Variants in TSKS observed in about 807,000 individuals in gnomAD.
TSKS encodes the protein testis specific serine kinase substrate.
Under a neutral mutation model 68.0 loss-of-function variants are expected in TSKS, and 27 were observed. The ratio of observed to expected loss-of-function variants is 0.40; its 90% confidence interval spans 0.29 to 0.55. The LOEUF is 0.55. Ranked by LOEUF, TSKS falls within the 20% of genes least tolerant of loss-of-function variation. TSKS has a pLI of 0.53. For missense variants in TSKS, 806 were observed against 776.0 expected (o/e 1.04, Z -0.46); for synonymous variants, 331 against 340.4 (o/e 0.97, Z 0.30).
At position 49,744,419 on chromosome 19, in the gene TSKS, AC is replaced by A; in HGVS notation, c.1188-16del. On this transcript the variant is annotated splice_polypyrimidine_tract_variant and intron_variant, in intron 7 of 10. Coordinates refer to ENST00000246801, the MANE Select transcript of TSKS (RefSeq NM_021733.2). ...ACCGCTCCACCCTGAGGCATGAGTAACCAGTGCTGCTGGGTCGTCTCTTCAG... is the reference window on the plus strand; with the variant it reads ...ACCGCTCCACCCTGAGGCATGAGTAACAGTGCTGCTGGGTCGTCTCTTCAG... The A allele has an allele frequency of 1.2e-6, 2 of 1,608,796 alleles. No individual in the cohort carries two copies. The highest frequency in any genetic ancestry group is 1.7e-6 in the Non-Finnish European group (2 of 1,175,656).
At chr19:49,753,737 A>G (rs983448777) in intron 2 of TSKS, among the ~76,000 whole-genome samples, 1 of 150,262 alleles carries the variant, frequency 6.7e-6, no homozygotes, top group African/African-American at 2.4e-5. Context: ...TGGGCAACAG[A>G]GCAAGATCAT....
intron 2 of TSKS, among the ~76,000 whole-genome samples, chr19:49,750,765 G>A (rs547108312): frequency 6.6e-6 from 1 of 152,176 alleles, no homozygotes; most frequent in Non-Finnish European, 1.5e-5. Flanking sequence ...TGAGCAACCA[G>A]AACGTAGACA....
intron 2 of TSKS, 141 bp downstream of exon 2, chr19:49,761,863 T>C: frequency 1.5e-6 from 1 of 655,760 alleles, no homozygotes; most frequent in African/African-American, 1.8e-5. Flanking sequence ...AGGAGGCAGT[T>C]CCCAGTTAGT....
chr19:49,742,788 C>T (rs2084263124), intron 8 of TSKS, among the ~76,000 whole-genome samples: 2 of 152,126 alleles, frequency 1.3e-5, no homozygotes, highest in African/African-American at 4.8e-5. Flanking sequence ...TAAGCCACCA[C>T]GCCCAGCCAG....
At chr19:49,754,256 T>C (rs1392015186) in intron 2 of TSKS, among the ~76,000 whole-genome samples, 2 of 149,440 alleles carry the variant, frequency 1.3e-5, no homozygotes, top group African/African-American at 4.9e-5. Context: ...CTCAGCACTT[T>C]GGGAGGCCAA....
intron 3 of TSKS, 70 bp downstream of exon 3, chr19:49,748,304 G>A (rs1233383559): frequency 3.8e-6 from 6 of 1,577,436 alleles, no homozygotes. Flanking sequence ...CATTCTGCTG[G>A]AGGCAGGCTC....
intron 2 of TSKS, among the ~76,000 whole-genome samples, chr19:49,754,682 T>C (rs1045505553): frequency 1.2e-4 from 18 of 152,140 alleles, no homozygotes; most frequent in African/African-American, 4.3e-4. Flanking sequence ...CTACTTTAAA[T>C]ATGTTCGAAG....
chr19:49,749,929 T>C (rs1363389725), intron 2 of TSKS, among the ~76,000 whole-genome samples: 1 of 151,404 alleles, frequency 6.6e-6, no homozygotes, highest in Admixed American at 6.6e-5. Flanking sequence ...CTCTCTCTTT[T>C]ATTTATTTTT....
intron 2 of TSKS, among the ~76,000 whole-genome samples, chr19:49,761,575 G>GC (rs1301980192): frequency 1.3e-5 from 2 of 152,150 alleles, no homozygotes; most frequent in East Asian, 3.9e-4. Context: ...TGTGTCTTTT[G>GC]CCCCCACCAG....
chr19:49,762,069 C>G lies in TSKS; in HGVS notation c.334G>C (p.Ala112Pro), dbSNP rs1372438388. 1.2e-6 allele frequency: 2 copies of G among 1,613,996 alleles called. No individual in the cohort carries two copies. The highest frequency in any genetic ancestry group is 2.7e-5 in the African/African-American group (2 of 74,916). The change falls in exon 2 of 11, where the codon GCT becomes CCT. Residue 112 changes from alanine to proline, a missense_variant. By Grantham distance (27) the Ala-to-Pro change is conservative (BLOSUM62 -1). Coordinates refer to ENST00000246801, the MANE Select transcript of TSKS (RefSeq NM_021733.2). The part of the protein sequence containing the change: ...VEDLSGQLTL[A>P]GPPASPTLPW... ...AGGGTAGGGGAGGCAGGGGGCCCAG[C>G]CAGTGTGAGTTGGCCGCTGAGGTCT... is the stretch of plus-strand genomic sequence containing the variant.
In TSKS at chr19:49,762,042, G is replaced by A; in HGVS notation, c.361C>T (p.Pro121Ser). ...ATGTCTGCGTCATCCGGATCCCAGGGTAGGGTAGGGGAGGCAGGGGGCCCA... is the reference window on the plus strand; with the variant it reads ...ATGTCTGCGTCATCCGGATCCCAGGATAGGGTAGGGGAGGCAGGGGGCCCA... The part of the protein sequence containing the change: ...LAGPPASPTL[P>S]WDPDDADITE... The change falls in exon 2 of 11, where the codon CCC (proline) becomes TCC (serine). Residue 121 changes from proline (P) to serine (S), a missense_variant. Coordinates refer to ENST00000246801, the MANE Select transcript of TSKS (RefSeq NM_021733.2). The A allele has an allele frequency of 6.2e-7, 1 of 1,614,128 alleles. No individual in the cohort carries two copies. Among genetic ancestry groups the A allele is most frequent in the Non-Finnish European group, 8.5e-7 (1 of 1,180,004 alleles).
intron 2 of TSKS, among the ~76,000 whole-genome samples, chr19:49,761,527 C>G (rs1040874258): frequency 6.6e-6 from 1 of 152,214 alleles, no homozygotes; most frequent in South Asian, 2.1e-4. Context: ...GGGCCTTTCT[C>G]TGGGATCTCC....
In TSKS at chr19:49,745,270, C is replaced by T. The variant is rs1431140277; in HGVS notation, c.1119G>A (p.Gln373=). 1.9e-6 allele frequency: 3 copies of T among 1,607,692 alleles called. No homozygotes were observed. Among genetic ancestry groups the T allele is most frequent in the African/African-American group, 1.3e-5 (1 of 74,910 alleles). The change falls in exon 7 of 11, where the codon CAG becomes CAA. Residue 373 remains glutamine (Q), a synonymous_variant. Coordinates refer to ENST00000246801, the MANE Select transcript of TSKS (RefSeq NM_021733.2). ...CCCGCGCCGTCTGTGCCTGTTCGCGCTGTGCCCGCTCCCACTGGCCTAGGA... is the reference window on the plus strand; with the variant it reads ...CCCGCGCCGTCTGTGCCTGTTCGCGTTGTGCCCGCTCCCACTGGCCTAGGA... ...DGFLGQWERA[Q]REQAQTARDL...
rs1397201497 is a variant in TSKS, at chr19:49,746,458, G to A, written c.992+12C>T. The A allele has an allele frequency of 6.2e-7, 1 of 1,613,438 alleles. No individual in the cohort carries two copies. The highest frequency in any genetic ancestry group is 8.5e-7 in the Non-Finnish European group (1 of 1,179,806). Reference sequence around the variant, plus strand: ...TCTCGTTTTCGAGGCTCCGCCCCTAGGTCCCGCCCACCTCAGCTCTTCGAT... The same window carrying A: ...TCTCGTTTTCGAGGCTCCGCCCCTAAGTCCCGCCCACCTCAGCTCTTCGAT... On this transcript the variant is annotated intron_variant, in intron 6 of 10. Transcript: ENST00000246801.
chr19:49,747,099 AT>A (rs2084309316), intron 5 of TSKS: 2 of 1,495,524 alleles, frequency 1.3e-6, no homozygotes, highest in Middle Eastern at 1.7e-4. Context: ...CTTTCTCAGC[AT>A]TTTGTTGGAA....
chr19:49,755,304 G>T (rs1339796661), intron 2 of TSKS, among the ~76,000 whole-genome samples: 2 of 152,072 alleles, frequency 1.3e-5, no homozygotes, highest in Non-Finnish European at 2.9e-5. Context: ...GAAAGAAAGG[G>T]GCAGAAAGAA....
At chr19:49,753,626 A>G (rs2084369225) in intron 2 of TSKS, among the ~76,000 whole-genome samples, 1 of 148,748 alleles carries the variant, frequency 6.7e-6, no homozygotes, top group Non-Finnish European at 1.5e-5. Context: ...GGTAGTGCAC[A>G]CCTGTAGTCC....
intron 2 of TSKS, among the ~76,000 whole-genome samples, chr19:49,759,164 T>C (rs2084418547): frequency 2.0e-5 from 3 of 151,042 alleles, no homozygotes; most frequent in Admixed American, 1.3e-4. Context: ...GCCTCAAATA[T>C]TTTTTTAAAA....
At chr19:49,750,368 C>T (rs1359915731) in intron 2 of TSKS, among the ~76,000 whole-genome samples, 1 of 151,420 alleles carries the variant, frequency 6.6e-6, no homozygotes, top group Non-Finnish European at 1.5e-5. Flanking sequence ...AAGCCATTCT[C>T]CTGCTTCAGC....
Sources: gnomAD v4.1 joint callset for allele counts (sites outside exome capture counted in the v4.1 genomes callset) on GRCh38, gnomAD v4.1.1 for gene constraint, MANE v1.5 for transcripts, NCBI Gene and HGNC (gene_info 2026-07-23, HGNC 2026-07-21) for gene names.